Variants in EFCAB8 observed in about 807,000 individuals in gnomAD.
EFCAB8 encodes the protein EF-hand calcium binding domain 8, also known as EF-hand calcium-binding domain-containing protein 8.
A neutral mutation model predicts 116.3 loss-of-function variants in EFCAB8; 100 were observed. That is an observed-to-expected ratio of 0.86 (90% CI 0.73 to 1.02). EFCAB8 has a LOEUF of 1.02. EFCAB8 is among the 50% of genes least tolerant of loss of function. The probability of loss-of-function intolerance (pLI) is 0.00; values close to 1 mark genes in which losing one functional copy is unlikely to be tolerated. For missense variants in EFCAB8, 1,320 were observed against 1,416.9 expected, an observed-to-expected ratio of 0.93 and a Z score of 1.10; for synonymous variants, 558 against 567.9, an observed-to-expected ratio of 0.98 and a Z score of 0.25.
In EFCAB8 at chr20:32,953,118, A is replaced by C. The variant is rs118072173; in HGVS notation, c.2960-5303A>C. Among the ~76,000 whole-genome samples, 33 of 152,350 alleles carry C rather than the reference A, an allele frequency of 2.2e-4. No homozygotes were observed. In the East Asian group the frequency reaches 5.6e-3, roughly 26 times the overall value. ...ATCTTTCACTTAGCATAATGCCCTCAATATTTATTAATATTGTAACATGTG... is the reference window on the plus strand; with the variant it reads ...ATCTTTCACTTAGCATAATGCCCTCCATATTTATTAATATTGTAACATGTG... On this transcript the variant is annotated intron_variant, in intron 23 of 26. Transcript: ENST00000400522.
intron 23 of EFCAB8, among the ~76,000 whole-genome samples, chr20:32,956,950 TTTTTTTTC>T (rs1988982786): frequency 2.0e-5 from 3 of 150,068 alleles, no homozygotes; most frequent in African/African-American, 7.3e-5. Context: ...ATTCTTTTTT[TTTTTTTTC>T]ATTTTTTTTC....
chr20:32,957,794 C>T (rs1989018484), intron 23 of EFCAB8, among the ~76,000 whole-genome samples: 1 of 151,330 alleles, frequency 6.6e-6, no homozygotes, highest in Admixed American at 6.6e-5. Flanking sequence ...GACAAGAAAG[C>T]AGCTCCCACT....
At chr20:32,895,683 C>T (rs572729225) in intron 9 of EFCAB8, among the ~76,000 whole-genome samples, 5 of 151,652 alleles carry the variant, frequency 3.3e-5, no homozygotes, top group South Asian at 4.2e-4. Flanking sequence ...GTGATTCTCC[C>T]GCCTCAGGCT....
chr20:32,935,807 G>T (rs1988100240), intron 22 of EFCAB8, among the ~76,000 whole-genome samples: 1 of 151,978 alleles, frequency 6.6e-6, no homozygotes, highest in Non-Finnish European at 1.5e-5. Context: ...GGCCCACTTT[G>T]CTCATTTTCT....
intron 23 of EFCAB8, among the ~76,000 whole-genome samples, chr20:32,946,308 G>A (rs76507784): frequency 0.024 from 3,621 of 152,358 alleles, 54 homozygotes; most frequent in Admixed American, 0.037. Context: ...GAAGCTGGTG[G>A]TTCCTTCCCA....
intron 14 of EFCAB8, among the ~76,000 whole-genome samples, chr20:32,909,199 C>T (rs1375051479): frequency 6.6e-6 from 1 of 152,224 alleles, no homozygotes; most frequent in Non-Finnish European, 1.5e-5. Flanking sequence ...CTCCCCTAGA[C>T]AGCAGTTTTC....
intron 6 of EFCAB8, 77 bp from the exon 7 acceptor site, chr20:32,889,224 G>C: frequency 7.8e-7 from 1 of 1,285,562 alleles, no homozygotes; most frequent in Non-Finnish European, 1.1e-6. Flanking sequence ...GCCTTGTGTG[G>C]CAGGAGAGGT....
intron 4 of EFCAB8, 100 bp downstream of exon 4, chr20:32,876,144 T>A: frequency 9.8e-7 from 1 of 1,021,620 alleles, no homozygotes. Context: ...CATCACGATG[T>A]GGGAAAGCCT....
intron 23 of EFCAB8, among the ~76,000 whole-genome samples, chr20:32,953,119 A>G (rs1600469432): frequency 2.6e-5 from 4 of 152,322 alleles, no homozygotes; most frequent in Admixed American, 2.6e-4. Flanking sequence ...AATGCCCTCA[A>G]TATTTATTAA....
intron 11 of EFCAB8, among the ~76,000 whole-genome samples, chr20:32,901,684 C>CTGAT (rs1025156875): frequency 2.4e-4 from 36 of 152,332 alleles, no homozygotes; most frequent in African/African-American, 5.3e-4. Context: ...TATTGATTGA[C>CTGAT]TGATTGATTG....
intron 23 of EFCAB8, among the ~76,000 whole-genome samples, chr20:32,958,155 A>T (rs1382853418): frequency 6.6e-6 from 1 of 151,416 alleles, no homozygotes; most frequent in Non-Finnish European, 1.5e-5. Context: ...CTGCCATAGT[A>T]CTCTCCCCAT....
chr20:32,931,225 C>G lies in EFCAB8; in HGVS notation c.2679C>G (p.Phe893Leu). ...DYCALIDKQP[F>L]QSSGAKVVSE... is the part of the protein sequence containing the mutation. ...GCGCATTGATTGATAAACAGCCATT[C>G]CAATCCAGTGGGGCCAAGGTTGTCT... The change falls in exon 22 of 27, where the codon TTC becomes TTG. Residue 893 changes from phenylalanine to leucine, a missense_variant. Phe to Leu is a conservative substitution (Grantham distance 22). Coordinates refer to ENST00000400522, the MANE Select transcript of EFCAB8 (RefSeq NM_001143967.2). 4 of 1,550,894 alleles carry G rather than the reference C, an allele frequency of 2.6e-6. No homozygotes were observed. Among genetic ancestry groups the G allele is most frequent in the Non-Finnish European group, 3.5e-6 (4 of 1,146,698 alleles).
chr20:32,930,759 C>G lies in EFCAB8; in HGVS notation c.2631+143C>G, dbSNP rs189002436. On this transcript the variant is annotated intron_variant, in intron 21 of 26. Coordinates refer to ENST00000400522, the MANE Select transcript of EFCAB8 (RefSeq NM_001143967.2). ...GAAACAATGCAGCGAGGAGTCCTCT[C>G]CTGCTCTGCTAAGCCCAGTGACAGG... 1.4e-5 allele frequency: 11 copies of G among 803,148 alleles called. No homozygotes were observed. In the Admixed American group the frequency reaches 1.9e-4, roughly 14 times the overall value. 49.8% of individuals were successfully genotyped at this position (803,148 alleles called of 1,614,324 possible).
At chr20:32,879,844 C>G (rs912849570) in intron 5 of EFCAB8, among the ~76,000 whole-genome samples, 3 of 152,200 alleles carry the variant, frequency 2.0e-5, no homozygotes, top group Non-Finnish European at 2.9e-5. Flanking sequence ...TTAACAGACT[C>G]AGTATGCTGC....
rs116926098 is a variant in EFCAB8, at chr20:32,929,768, C to T, written c.2413-630C>T. Among the ~76,000 whole-genome samples the T allele has an allele frequency of 2.2e-4, 34 of 152,264 alleles. No individual in the cohort carries two copies. The East Asian group carries it at 6.6e-3, about 29-fold the overall frequency. On this transcript the variant is annotated intron_variant, in intron 20 of 26. Transcript: ENST00000400522. The stretch of plus-strand genomic sequence containing the variant: ...TTCTGGCCTGATTTGCTCTACCACC[C>T]TCACTATGCTCTCAGCCTCCTGCTG...
intron 9 of EFCAB8, among the ~76,000 whole-genome samples, chr20:32,894,882 CT>C (rs1568915176): frequency 1.3e-5 from 2 of 152,260 alleles, no homozygotes; most frequent in Admixed American, 1.3e-4. Context: ...TGACTTCTGC[CT>C]GTGCCTGTGC....
intron 3 of EFCAB8, among the ~76,000 whole-genome samples, chr20:32,874,347 C>T (rs922638548): frequency 1.3e-5 from 2 of 152,142 alleles, no homozygotes; most frequent in East Asian, 1.9e-4. Flanking sequence ...CTCAGTCTCT[C>T]GACCAGCTGG....
chr20:32,886,596 A>AG (rs1985643774), intron 6 of EFCAB8, among the ~76,000 whole-genome samples: 1 of 152,126 alleles, frequency 6.6e-6, no homozygotes, highest in South Asian at 2.1e-4. Flanking sequence ...TGGTGCACCA[A>AG]GGGGGAGTCA....
intron 1 of EFCAB8, among the ~76,000 whole-genome samples, chr20:32,860,323 C>A (rs1364015941): frequency 1.3e-5 from 2 of 149,422 alleles, no homozygotes; most frequent in Non-Finnish European, 3.0e-5. Flanking sequence ...CAAAAAAAAA[C>A]CCAGTTATTT....
Sources: allele counts gnomAD v4.1 joint callset (sites outside exome capture counted in the v4.1 genomes callset), GRCh38; gene constraint gnomAD v4.1.1; transcripts MANE v1.5; gene names NCBI Gene and HGNC (gene_info 2026-07-23, HGNC 2026-07-21).